The following PLCH1 variants were observed in gnomAD, a reference collection of about 807,000 sequenced individuals.
PLCH1 encodes the protein phospholipase C eta 1.
Under a neutral mutation model 126.7 loss-of-function variants are expected in PLCH1, and 60 were observed. That is an observed-to-expected ratio of 0.47 (90% CI 0.38 to 0.59). The LOEUF is 0.59. Ranked by LOEUF, PLCH1 falls within the 20% of genes least tolerant of loss-of-function variation. The probability of loss-of-function intolerance (pLI) is 0.00; values close to 1 mark genes in which losing one functional copy is unlikely to be tolerated. For missense variants in PLCH1, 1,723 were observed against 2,040.0 expected (o/e 0.84, Z 2.99); for synonymous variants, 719 against 734.9 (o/e 0.98, Z 0.35).
intron 2 of PLCH1, among the ~76,000 whole-genome samples, chr3:155,625,290 C>T (rs1379898762): frequency 9.9e-5 from 15 of 152,132 alleles, no homozygotes; most frequent in Non-Finnish European, 5.9e-5. Context: ...CATAAAAACG[C>T]TAGAAAAAAA....
rs1364885600 is a variant in PLCH1, at chr3:155,545,300, A to C, written c.1362+4487T>G. On this transcript the variant is annotated intron_variant, in intron 10 of 22. Coordinates refer to ENST00000460012, the MANE Select transcript of PLCH1 (RefSeq NM_014996.4). ...CTAGAAAATCTAGAAGAAATGGATA[A>C]ATTCCTCGACACATACACCCTCCCA... 7.3e-3 allele frequency among the ~76,000 whole-genome samples: 1,104 copies of C among 151,896 alleles called. 8 individuals carry two copies. The highest frequency in any genetic ancestry group is 0.025 in the African/African-American group (1,033 of 41,434).
At chr3:155,661,409 AG>A (rs1742122222) in intron 2 of PLCH1, among the ~76,000 whole-genome samples, 1 of 152,172 alleles carries the variant, frequency 6.6e-6, no homozygotes, top group African/African-American at 2.4e-5. Context: ...GGAGTCTCAA[AG>A]GCTACTGGCT....
intron 21 of PLCH1, among the ~76,000 whole-genome samples, chr3:155,467,375 A>C (rs1350950012): frequency 6.6e-6 from 1 of 152,096 alleles, no homozygotes. Flanking sequence ...AGAGTTCGAG[A>C]CCAGCCTGGC....
chr3:155,559,832 A>G (rs1727342633), intron 8 of PLCH1, among the ~76,000 whole-genome samples: 1 of 152,208 alleles, frequency 6.6e-6, no homozygotes, highest in South Asian at 2.1e-4. Context: ...CTCTTGTTCA[A>G]TGTCATCTAC....
At chr3:155,501,919 C>T (rs1717962337) in intron 13 of PLCH1, among the ~76,000 whole-genome samples, 1 of 152,162 alleles carries the variant, frequency 6.6e-6, no homozygotes, top group Non-Finnish European at 1.5e-5. Context: ...GAACCCTGGA[C>T]ATCAGGAATG....
intron 2 of PLCH1, among the ~76,000 whole-genome samples, chr3:155,657,052 G>A (rs1382155665): frequency 5.5e-5 from 7 of 128,260 alleles, no homozygotes; most frequent in Admixed American, 7.9e-5. Context: ...ACAAGGACAA[G>A]TTTAAAAAAA....
Position 155,738,048 on chromosome 3 carries a change from G to T in PLCH1, c.-41+6792C>A, listed in dbSNP as rs139248487. Among the ~76,000 whole-genome samples the T allele has an allele frequency of 1.5e-3, 224 of 152,314 alleles. 1 individual carries two copies. Among genetic ancestry groups the T allele is most frequent in the African/African-American group, 5.1e-3 (212 of 41,568 alleles). On this transcript the variant is annotated intron_variant, in intron 1 of 22. Coordinates refer to ENST00000460012, the MANE Select transcript of PLCH1 (RefSeq NM_014996.4). ...CTAAACTAGATCCCGCTGACATCCAGTGGCAATTGACCGGGTAAGGCTAGA... is the reference window on the plus strand; with the variant it reads ...CTAAACTAGATCCCGCTGACATCCATTGGCAATTGACCGGGTAAGGCTAGA...
intron 1 of PLCH1, among the ~76,000 whole-genome samples, chr3:155,731,008 G>A (rs1323720333): frequency 6.6e-6 from 1 of 152,176 alleles, no homozygotes; most frequent in East Asian, 1.9e-4. Context: ...GCCTACCCTG[G>A]CACCATGCCA....
chr3:155,691,956 A>C (rs992803538), intron 2 of PLCH1, among the ~76,000 whole-genome samples: 5 of 152,052 alleles, frequency 3.3e-5, no homozygotes, highest in Admixed American at 1.3e-4. Flanking sequence ...GCTTGAACCC[A>C]GGAGGTGGAG....
At chr3:155,540,197 A>T (rs1286499520) in intron 10 of PLCH1, among the ~76,000 whole-genome samples, 2 of 152,188 alleles carry the variant, frequency 1.3e-5, no homozygotes, top group Non-Finnish European at 2.9e-5. Flanking sequence ...ATGTAGAAGA[A>T]TGAAACTGGA....
At chr3:155,473,645 T>C (rs929590940) in intron 21 of PLCH1, among the ~76,000 whole-genome samples, 1 of 151,970 alleles carries the variant, frequency 6.6e-6, no homozygotes, top group Non-Finnish European at 1.5e-5. Context: ...AGAACAAAGC[T>C]GGAGGCATCA....
intron 21 of PLCH1, among the ~76,000 whole-genome samples, chr3:155,464,344 T>A (rs1296547163): frequency 2.0e-5 from 3 of 152,150 alleles, no homozygotes; most frequent in Non-Finnish European, 4.4e-5. Context: ...CCACTAAAAA[T>A]TTTTAAGTGG....
intron 21 of PLCH1, among the ~76,000 whole-genome samples, chr3:155,453,316 ATAATT>A (rs1371156350): frequency 6.6e-6 from 1 of 152,208 alleles, no homozygotes; most frequent in African/African-American, 2.4e-5. Flanking sequence ...GATACATGGT[ATAATT>A]TAAATAGAGA....
chr3:155,582,373 G>A (rs1730833459), intron 6 of PLCH1, among the ~76,000 whole-genome samples: 3 of 152,038 alleles, frequency 2.0e-5, no homozygotes, highest in East Asian at 1.9e-4. Context: ...ATGAGACACC[G>A]TGCCTGGCCA....
intron 13 of PLCH1, among the ~76,000 whole-genome samples, chr3:155,501,003 T>A (rs1483447559): frequency 2.0e-5 from 3 of 152,174 alleles, no homozygotes; most frequent in Non-Finnish European, 4.4e-5. Flanking sequence ...AACTGAGAGT[T>A]TCATGCTCAG....
At position 155,494,517 on chromosome 3, in the gene PLCH1, C is replaced by T; in HGVS notation, c.1895G>A (p.Gly632Glu). 6.4e-7 allele frequency: 1 copy of T among 1,562,828 alleles called. No individual in the cohort carries two copies. The highest frequency in any genetic ancestry group is 1.7e-4 in the Middle Eastern group (1 of 5,970). Residue 632 changes from glycine to glutamate, a missense_variant and splice_region_variant, in exon 16 of 23, where the codon GGA (glycine) becomes GAA (glutamate). Physicochemically the swap from Gly to Glu is moderately conservative, Grantham distance 98. Coordinates refer to ENST00000460012, the MANE Select transcript of PLCH1 (RefSeq NM_014996.4). Reference protein sequence around the residue: ...SVAAQDIVDDGTTGNVLSFSE... With the variant: ...SVAAQDIVDDETTGNVLSFSE... ...GAATGATAACACATTTCCTGTGGTTCCTGGCAGTTTTTAATCGAGAAAAAA... is the reference window on the plus strand; with the variant it reads ...GAATGATAACACATTTCCTGTGGTTTCTGGCAGTTTTTAATCGAGAAAAAA...
At chr3:155,630,683 G>C (rs1320484475) in intron 2 of PLCH1, among the ~76,000 whole-genome samples, 1 of 152,116 alleles carries the variant, frequency 6.6e-6, no homozygotes, top group Non-Finnish European at 1.5e-5. Flanking sequence ...CTGTATATTT[G>C]TTTACATTAT....
At chr3:155,620,780 A>C (rs1272394771) in intron 2 of PLCH1, among the ~76,000 whole-genome samples, 2 of 152,170 alleles carry the variant, frequency 1.3e-5, no homozygotes, top group Non-Finnish European at 2.9e-5. Flanking sequence ...TACAGATAAA[A>C]GCCCCATCTC....
intron 2 of PLCH1, among the ~76,000 whole-genome samples, chr3:155,624,778 GGATA>G (rs1205405308): frequency 1.3e-5 from 2 of 152,084 alleles, no homozygotes; most frequent in African/African-American, 2.4e-5. Context: ...CCATGCTCAC[GGATA>G]GGAAGAATCA....
Sources: allele counts gnomAD v4.1 joint callset (sites outside exome capture counted in the v4.1 genomes callset), GRCh38; gene constraint gnomAD v4.1.1; transcripts MANE v1.5; gene names NCBI Gene and HGNC (gene_info 2026-07-23, HGNC 2026-07-21).